The following PDE1C variants were observed in gnomAD, a reference collection of about 807,000 sequenced individuals.
The protein encoded by PDE1C is dual specificity calcium/calmodulin-dependent 3',5'-cyclic nucleotide phosphodiesterase 1C.
Under a neutral mutation model 93.1 loss-of-function variants are expected in PDE1C, and 62 were observed. That is an observed-to-expected ratio of 0.67 (90% CI 0.54 to 0.82). The LOEUF (loss-of-function observed/expected upper bound fraction) is 0.82, where lower values mean the gene tolerates loss of function less well. Ranked by LOEUF, PDE1C falls within the 40% of genes least tolerant of loss-of-function variation. The probability of loss-of-function intolerance (pLI) is 0.00; values close to 1 mark genes in which losing one functional copy is unlikely to be tolerated. For synonymous variants in PDE1C, 325 were observed against 310.1 expected, an observed-to-expected ratio of 1.05 and a Z score of -0.50; for missense variants, 742 against 884.6, an observed-to-expected ratio of 0.84 and a Z score of 2.04.
chr7:31,789,049 A>G (rs1182398381), intron 16 of PDE1C: 1 of 152,124 alleles, frequency 6.6e-6, no homozygotes. Flanking sequence ...CTCTCTTTCT[A>G]TTACTAATCC....
chr7:31,874,621 A>C (rs1796327455), intron 5 of PDE1C, among the ~76,000 whole-genome samples: 2 of 152,256 alleles, frequency 1.3e-5, no homozygotes, highest in South Asian at 2.1e-4. Context: ...GATGCTAATA[A>C]ACTGTTTTCA....
the PDE1C span, among the ~76,000 whole-genome samples, chr7:31,618,745 C>G: frequency 6.6e-6 from 1 of 152,190 alleles, no homozygotes; most frequent in Non-Finnish European, 1.5e-5. Context: ...GCAACTTGCT[C>G]AAGTTCACCC....
chr7:31,716,920 CA>C, the PDE1C span, among the ~76,000 whole-genome samples: 1 of 152,078 alleles, frequency 6.6e-6, no homozygotes, highest in Non-Finnish European at 1.5e-5. Context: ...ACCAACCTAC[CA>C]AGATAAATGA....
chr7:32,379,595 T>A (rs963918693), intron 1 of PDE1C, among the ~76,000 whole-genome samples: 4 of 152,326 alleles, frequency 2.6e-5, no homozygotes, highest in South Asian at 2.1e-4. Flanking sequence ...TTAATTTTCC[T>A]GAGGGTTTCT....
At chr7:31,863,418 G>T (rs530884891) in intron 7 of PDE1C, among the ~76,000 whole-genome samples, 1 of 152,160 alleles carries the variant, frequency 6.6e-6, no homozygotes, top group East Asian at 1.9e-4. Flanking sequence ...GCATTCTTGA[G>T]GCTGAGACTT....
At chr7:31,687,489 G>A in the PDE1C span, among the ~76,000 whole-genome samples, 1 of 152,206 alleles carries the variant, frequency 6.6e-6, no homozygotes, top group African/African-American at 2.4e-5. Context: ...TTCCAAGGGA[G>A]GGAATGGAGT....
chr7:32,302,596 T>C (rs1812906574), upstream of PDE1C, among the ~76,000 whole-genome samples: 3 of 152,248 alleles, frequency 2.0e-5, no homozygotes, highest in Admixed American at 2.0e-4. Flanking sequence ...TGATTTGCTC[T>C]GTGGATCTGA....
At chr7:31,797,376 T>A (rs562123956) in intron 16 of PDE1C, among the ~76,000 whole-genome samples, 1 of 151,724 alleles carries the variant, frequency 6.6e-6, no homozygotes, top group Admixed American at 6.6e-5. Flanking sequence ...AGAAATATTA[T>A]CCTTTGAGAC....
At chr7:31,680,020 C>T in the PDE1C span, among the ~76,000 whole-genome samples, 4 of 152,198 alleles carry the variant, frequency 2.6e-5, no homozygotes, top group Admixed American at 6.5e-5. Context: ...TAACCAGCAA[C>T]CAGAGAGTGT....
chr7:31,645,837 C>A, the PDE1C span, among the ~76,000 whole-genome samples: 5 of 152,066 alleles, frequency 3.3e-5, no homozygotes, highest in African/African-American at 4.8e-5. Context: ...AGAACAGCCA[C>A]CACAACAATG....
intron 1 of PDE1C, among the ~76,000 whole-genome samples, chr7:32,390,768 G>C (rs1162552036): frequency 6.6e-6 from 1 of 152,002 alleles, no homozygotes; most frequent in East Asian, 1.9e-4. Context: ...TGGGAGGATT[G>C]CTTGAGCCTG....
chr7:32,207,578 T>G (rs1805678980), intron 2 of PDE1C, among the ~76,000 whole-genome samples: 1 of 152,134 alleles, frequency 6.6e-6, no homozygotes, highest in Non-Finnish European at 1.5e-5. Context: ...CCATCTGACT[T>G]TTTCCGGAGT....
At chr7:32,062,174 T>C (rs1794891173) in intron 1 of PDE1C, among the ~76,000 whole-genome samples, 1 of 152,162 alleles carries the variant, frequency 6.6e-6, no homozygotes, top group African/African-American at 2.4e-5. Flanking sequence ...TTAGTGATCC[T>C]AATCTAAGAA....
chr7:32,157,640 G>C lies in PDE1C; in HGVS notation c.308+12145C>G, dbSNP rs189139400. 1.4e-3 allele frequency among the ~76,000 whole-genome samples: 209 copies of C among 152,226 alleles called. 1 individual carries two copies. The highest frequency in any genetic ancestry group is 1.4e-3 in the Non-Finnish European group (96 of 68,012). ...GATAATAGTGTAATATCAAGATTAA[G>C]TTTCCTGACTATGGCAACTTTACTG... On this transcript the variant is annotated intron_variant, in intron 3 of 18. Coordinates refer to the PDE1C transcript ENST00000396193.
At chr7:32,315,983 GAA>G (rs1161150676) in intron 1 of PDE1C, among the ~76,000 whole-genome samples, 2 of 152,192 alleles carry the variant, frequency 1.3e-5, no homozygotes, top group East Asian at 3.9e-4. Flanking sequence ...CAACAAGAGC[GAA>G]AACTCCATCT....
chr7:32,306,843 T>C (rs1209401971), intron 1 of PDE1C, among the ~76,000 whole-genome samples: 1 of 151,248 alleles, frequency 6.6e-6, no homozygotes, highest in East Asian at 1.9e-4. Context: ...AGAAAGGGAG[T>C]GGGGAAGTTA....
intron 1 of PDE1C, among the ~76,000 whole-genome samples, chr7:32,268,092 A>G (rs1465788019): frequency 6.6e-6 from 1 of 152,230 alleles, no homozygotes; most frequent in Non-Finnish European, 1.5e-5. Flanking sequence ...GGGTCACACC[A>G]GGCCTGGAAC....
At chr7:32,088,968 A>T (rs1192525771) in intron 3 of PDE1C, among the ~76,000 whole-genome samples, 1 of 152,222 alleles carries the variant, frequency 6.6e-6, no homozygotes, top group Non-Finnish European at 1.5e-5. Context: ...GAAAACAGCC[A>T]ACATCAATAA....
chr7:31,948,265 G>A (rs1806884487), intron 2 of PDE1C, among the ~76,000 whole-genome samples: 1 of 152,182 alleles, frequency 6.6e-6, no homozygotes, highest in South Asian at 2.1e-4. Context: ...ATAGAGTTAT[G>A]TGTACTTTGG....
Sources: gnomAD v4.1 joint callset for allele counts (sites outside exome capture counted in the v4.1 genomes callset) on GRCh38, gnomAD v4.1.1 for gene constraint, MANE v1.5 for transcripts, NCBI Gene and HGNC (gene_info 2026-07-23, HGNC 2026-07-21) for gene names.